The following ZNF813 variants were observed in gnomAD, a reference collection of about 807,000 sequenced individuals.
ZNF813 encodes the protein zinc finger protein 813.
A neutral mutation model predicts 7.2 loss-of-function variants in ZNF813; 3 were observed. The observed-to-expected ratio is 0.42, with a 90% confidence interval of 0.19 to 1.08. ZNF813 has a LOEUF of 1.08. Among genes scored for constraint, ZNF813 ranks in the 50% least tolerant of loss-of-function variants. The pLI is 0.30. For synonymous variants in ZNF813, 227 were observed against 256.3 expected, an observed-to-expected ratio of 0.89 and a Z score of 1.09; for missense variants, 714 against 753.3, an observed-to-expected ratio of 0.95 and a Z score of 0.61.
chr19:53,479,276 A>T, intron 1 of ZNF813: 1 of 1,434,278 alleles, frequency 7.0e-7, no homozygotes, highest in Non-Finnish European at 9.6e-7. Context: ...TTAATACATA[A>T]TCATGGAGAG....
At chr19:53,473,712 A>G (rs185028515) in intron 1 of ZNF813, among the ~76,000 whole-genome samples, 50 of 152,270 alleles carry the variant, frequency 3.3e-4, no homozygotes, top group African/African-American at 1.1e-3. Flanking sequence ...TCTCATATTC[A>G]GTTATGGGCT....
chr19:53,492,490 G>A lies in ZNF813; in HGVS notation c.*404G>A. On this transcript the variant is annotated 3_prime_UTR_variant, in exon 4 of 4. Coordinates refer to ENST00000396403, the MANE Select transcript of ZNF813 (RefSeq NM_001004301.4). Reference sequence around the variant, plus strand: ...TAAGAGTTCGTGACAAGGCTTTCGGGCATGACTCACACCTGGCACAACATC... The same window carrying A: ...TAAGAGTTCGTGACAAGGCTTTCGGACATGACTCACACCTGGCACAACATC... The A allele has an allele frequency of 2.3e-6, 1 of 433,506 alleles. No homozygotes were observed. The highest frequency in any genetic ancestry group is 4.6e-6 in the Non-Finnish European group (1 of 219,538). The allele number at this position is 433,506 out of a possible 1,614,324, so 26.9% of individuals were successfully genotyped here.
chr19:53,473,779 T>A (rs1342731915), intron 1 of ZNF813, among the ~76,000 whole-genome samples: 2 of 152,190 alleles, frequency 1.3e-5, no homozygotes, highest in Non-Finnish European at 2.9e-5. Context: ...ATTCCTCTAG[T>A]TCTTGGAGAT....
At chr19:53,470,290 G>A (rs1446544807) in intron 1 of ZNF813, among the ~76,000 whole-genome samples, 4 of 152,262 alleles carry the variant, frequency 2.6e-5, no homozygotes, top group African/African-American at 9.6e-5. Context: ...GAGCTTGCTA[G>A]GCAGAGGAAA....
In ZNF813 at chr19:53,492,310, A is replaced by G; in HGVS notation, c.*224A>G. 1.4e-6 allele frequency: 1 copy of G among 734,136 alleles called. No homozygotes were observed. The allele number at this position is 734,136 out of a possible 1,614,324, so 45.5% of individuals were successfully genotyped here. A position where few individuals can be genotyped will look rare whatever the true frequency, so the allele number is the denominator to read the frequency against. ...AAACCTTAGAAATGTGAAGCATGTGACAAAGTTTACAGTGGCAAATCGAGC... is the reference window on the plus strand; with the variant it reads ...AAACCTTAGAAATGTGAAGCATGTGGCAAAGTTTACAGTGGCAAATCGAGC... On this transcript the variant is annotated 3_prime_UTR_variant, in exon 4 of 4. Transcript: ENST00000396403.
intron 2 of ZNF813, among the ~76,000 whole-genome samples, chr19:53,485,679 A>G (rs1163396855): frequency 1.3e-5 from 2 of 151,562 alleles, no homozygotes; most frequent in Non-Finnish European, 2.9e-5. Flanking sequence ...CACACAATGG[A>G]TTTTCATACT....
rs2086472688 is a variant in ZNF813 at position 53,493,379 on chromosome 19, T to C, written c.*1293T>C. 1 of 152,826 alleles carries C rather than the reference T, an allele frequency of 6.5e-6. No individual in the cohort carries two copies. The highest frequency in any genetic ancestry group is 2.1e-4 in the South Asian group (1 of 4,834). The allele number at this position is 152,826 out of a possible 1,614,324, so 9.5% of individuals were successfully genotyped here. A position where few individuals can be genotyped will look rare whatever the true frequency, so the allele number is the denominator to read the frequency against. ...ATGTCTGTATATGTTTTTAATCATATTGATGTATATTTGTAGATTTCAAGG... is the reference window on the plus strand; with the variant it reads ...ATGTCTGTATATGTTTTTAATCATACTGATGTATATTTGTAGATTTCAAGG... On this transcript the variant is annotated 3_prime_UTR_variant, in exon 4 of 4. Transcript: ENST00000396403.
intron 1 of ZNF813, among the ~76,000 whole-genome samples, chr19:53,471,718 A>AC (rs2086359751): frequency 6.6e-6 from 1 of 151,188 alleles, no homozygotes; most frequent in Non-Finnish European, 1.5e-5. Flanking sequence ...AGGCTGAGGC[A>AC]GGAGAATGGC....
At position 53,491,657 on chromosome 19, in the gene ZNF813, G is replaced by C; in HGVS notation, c.1425G>C (p.Thr475=). 6.2e-7 allele frequency: 1 copy of C among 1,613,084 alleles called. No homozygotes were observed. Among genetic ancestry groups the C allele is most frequent in the East Asian group, 2.2e-5 (1 of 44,756 alleles). ...KRYKCNECGK[T]FSRISALVIH... is the part of the protein sequence containing the mutation. ...ACAAGTGTAATGAGTGTGGCAAGAC[G>C]TTCAGTCGAATTTCAGCCCTCGTAA... is the stretch of plus-strand genomic sequence containing the variant. Residue 475 remains threonine (T), a synonymous_variant, in exon 4 of 4, where the codon ACG becomes ACC. Transcript: ENST00000396403.
At chr19:53,476,699 G>A (rs1348610330) in intron 1 of ZNF813, among the ~76,000 whole-genome samples, 4 of 151,644 alleles carry the variant, frequency 2.6e-5, no homozygotes, top group African/African-American at 7.3e-5. Context: ...TGTCGCCGAC[G>A]CTTAAGTGCA....
chr19:53,482,409 C>T (rs1412801552), intron 1 of ZNF813, among the ~76,000 whole-genome samples: 2 of 152,224 alleles, frequency 1.3e-5, no homozygotes, highest in South Asian at 2.1e-4. Context: ...GACCAGGGCC[C>T]CTGCCAGTGT....
chr19:53,487,928 T>C (rs2086441774), intron 3 of ZNF813, among the ~76,000 whole-genome samples: 1 of 152,030 alleles, frequency 6.6e-6, no homozygotes. Flanking sequence ...TTTTCATGCT[T>C]TTTTTCTTTT....
At chr19:53,468,904 T>G (rs2086342093) in intron 1 of ZNF813, among the ~76,000 whole-genome samples, 1 of 151,008 alleles carries the variant, frequency 6.6e-6, no homozygotes, top group African/African-American at 2.4e-5. Context: ...GCACAGACTC[T>G]TTACGGGTGT....
In ZNF813 at chr19:53,490,352, C is replaced by T. The variant is rs375664195; in HGVS notation, c.143-23C>T. 1.7e-5 allele frequency: 28 copies of T among 1,612,104 alleles called. No individual in the cohort carries two copies. The African/African-American group carries it at 2.1e-4, about 12-fold the overall frequency. Reference sequence around the variant, plus strand: ...TTACCATCTGTACTGAACTGGAAACCTATTCGTGTTTATATTTTGTAGATA... The same window carrying T: ...TTACCATCTGTACTGAACTGGAAACTTATTCGTGTTTATATTTTGTAGATA... On this transcript the variant is annotated intron_variant, in intron 3 of 3. Coordinates refer to ENST00000396403, the MANE Select transcript of ZNF813 (RefSeq NM_001004301.4).
At chr19:53,478,273 G>C (rs927094733) in intron 1 of ZNF813, among the ~76,000 whole-genome samples, 2 of 152,092 alleles carry the variant, frequency 1.3e-5, no homozygotes, top group Admixed American at 6.6e-5. Context: ...GGGCTTAAGC[G>C]ATCCTCCTAC....
chr19:53,482,712 G>GGTTTT (rs2086414440), intron 1 of ZNF813, among the ~76,000 whole-genome samples: 1 of 89,090 alleles, frequency 1.1e-5, no homozygotes, highest in African/African-American at 4.7e-5. Flanking sequence ...AATGCTTTTT[G>GGTTTT]TTTTTTTTTT....
In ZNF813 at chr19:53,492,223, G is replaced by A. The variant is rs552022580; in HGVS notation, c.*137G>A. On this transcript the variant is annotated 3_prime_UTR_variant, in exon 4 of 4. Transcript: ENST00000396403. ...CTGGAGAGAAACAAGTGTAATGAACGTTGCAAAATTTTTAATCAACAAGCA... is the reference window on the plus strand; with the variant it reads ...CTGGAGAGAAACAAGTGTAATGAACATTGCAAAATTTTTAATCAACAAGCA... 22 of 1,361,648 alleles carry A rather than the reference G, an allele frequency of 1.6e-5. No homozygotes were observed. Among genetic ancestry groups the A allele is most frequent in the East Asian group, 4.8e-5 (2 of 41,812 alleles). 84.3% of individuals were successfully genotyped at this position (1,361,648 alleles called of 1,614,324 possible).
intron 3 of ZNF813, among the ~76,000 whole-genome samples, chr19:53,488,748 G>A (rs1478902032): frequency 6.6e-6 from 1 of 151,866 alleles, no homozygotes; most frequent in Admixed American, 6.6e-5. Context: ...TTATAATGCT[G>A]TGTATATTTT....
intron 1 of ZNF813, chr19:53,479,718 A>C (rs2086398223): frequency 1.7e-6 from 2 of 1,160,150 alleles, no homozygotes; most frequent in African/African-American, 1.5e-5. Context: ...GCAGATGGGA[A>C]GTATGAAGAG....
Sources: allele counts gnomAD v4.1 joint callset (sites outside exome capture counted in the v4.1 genomes callset), GRCh38; gene constraint gnomAD v4.1.1; transcripts MANE v1.5; gene names NCBI Gene and HGNC (gene_info 2026-07-23, HGNC 2026-07-21).